BDP1: variants seen among roughly 807,000 people sequenced by gnomAD.
The protein encoded by BDP1 is BDP1 general transcription factor IIIB subunit, also known as transcription factor TFIIIB component B'' homolog.
Under a neutral mutation model 266.6 loss-of-function variants are expected in BDP1, and 169 were observed. The ratio of observed to expected loss-of-function variants is 0.63; its 90% CI spans 0.56 to 0.72. The LOEUF (loss-of-function observed/expected upper bound fraction) is 0.72, where lower values mean the gene tolerates loss of function less well. Among genes scored for constraint, BDP1 ranks in the 30% least tolerant of loss-of-function variants. The pLI, the probability that BDP1 is intolerant of heterozygous loss-of-function variation, is 0.00. For synonymous variants in BDP1, 1,090 were observed against 1,022.4 expected, an observed-to-expected ratio of 1.07 and a Z score of -1.26; for missense variants, 3,015 against 3,053.8, an observed-to-expected ratio of 0.99 and a Z score of 0.30.
chr5:71,520,314 T>A (rs1391093860), intron 22 of BDP1, among the ~76,000 whole-genome samples: 1 of 152,226 alleles, frequency 6.6e-6, no homozygotes, highest in Non-Finnish European at 1.5e-5. Flanking sequence ...TCCATATTGC[T>A]TTTATTTTAA....
In BDP1 at chr5:71,567,220, T is replaced by C. The variant is rs1744086549; in HGVS notation, c.*2335T>C. The C allele has an allele frequency of 2.6e-5, 4 of 152,224 alleles. No individual in the cohort carries two copies. Among genetic ancestry groups the C allele is most frequent in the Non-Finnish European group, 5.9e-5 (4 of 68,024 alleles). The allele number at this position is 152,224 out of a possible 1,614,324, so 9.4% of individuals were successfully genotyped here. On this transcript the variant is annotated 3_prime_UTR_variant, in exon 39 of 39. Transcript: ENST00000358731. ...AGCTTGGGAGTTAGATTGCCATGATTAAACTATTATTTATCCTTGTGTAAT... is the reference window on the plus strand; with the variant it reads ...AGCTTGGGAGTTAGATTGCCATGATCAAACTATTATTTATCCTTGTGTAAT...
At chr5:71,477,121 A>G (rs1762638389) in intron 7 of BDP1, among the ~76,000 whole-genome samples, 1 of 151,056 alleles carries the variant, frequency 6.6e-6, no homozygotes, top group Non-Finnish European at 1.5e-5. Flanking sequence ...TGCGGGGATT[A>G]TAGGCATGAG....
chr5:71,566,994 C>T lies in BDP1; in HGVS notation c.*2109C>T, dbSNP rs1326017422. The T allele has an allele frequency of 6.6e-6, 1 of 152,068 alleles. No homozygotes were observed. Among genetic ancestry groups the T allele is most frequent in the African/African-American group, 2.4e-5 (1 of 41,408 alleles). 9.4% of individuals were successfully genotyped at this position (152,068 alleles called of 1,614,324 possible). On this transcript the variant is annotated 3_prime_UTR_variant, in exon 39 of 39. Transcript: ENST00000358731. ...TGTTAGAGCACTTCTTATTCATTGTCTTTTAGTGAAATTTATGGCGTAACA... is the reference window on the plus strand; with the variant it reads ...TGTTAGAGCACTTCTTATTCATTGTTTTTTAGTGAAATTTATGGCGTAACA...
At chr5:71,560,284 A>G (rs1008635744) in intron 37 of BDP1, 47 bp downstream of exon 37, 6 of 1,576,384 alleles carry the variant, frequency 3.8e-6, no homozygotes, top group Admixed American at 1.7e-5. Flanking sequence ...CTGTCTTAAT[A>G]AATATAACCT....
chr5:71,477,285 A>AG (rs2150380478), intron 7 of BDP1, among the ~76,000 whole-genome samples: 1 of 151,648 alleles, frequency 6.6e-6, no homozygotes, highest in African/African-American at 2.4e-5. Context: ...AGCCTCCTGG[A>AG]CCACAGGTGT....
chr5:71,549,741 T>C (rs750307254), intron 34 of BDP1, 135 bp downstream of exon 34: 1 of 682,942 alleles, frequency 1.5e-6, no homozygotes, highest in South Asian at 4.5e-5. Flanking sequence ...TGTGGTAAGT[T>C]AGAGAAGAAA....
chr5:71,535,944 C>T (rs934109595), intron 26 of BDP1, among the ~76,000 whole-genome samples: 16 of 152,132 alleles, frequency 1.1e-4, no homozygotes, highest in Admixed American at 3.3e-4. Flanking sequence ...TAAATAATGT[C>T]ATATTCACAT....
chr5:71,493,919 C>A (rs548946893), intron 11 of BDP1, among the ~76,000 whole-genome samples: 2 of 152,172 alleles, frequency 1.3e-5, no homozygotes, highest in African/African-American at 4.8e-5. Flanking sequence ...TTACCATATC[C>A]GCTAACTTCC....
chr5:71,500,909 G>A (rs1764192611), intron 13 of BDP1, among the ~76,000 whole-genome samples: 1 of 151,918 alleles, frequency 6.6e-6, no homozygotes. Context: ...AAACAAGCCT[G>A]GGCAACATGG....
At chr5:71,556,578 C>T (rs945345577) in intron 35 of BDP1, among the ~76,000 whole-genome samples, 1 of 152,058 alleles carries the variant, frequency 6.6e-6, no homozygotes, top group Non-Finnish European at 1.5e-5. Context: ...CTTTGCATTC[C>T]TGAAACGAGC....
chr5:71,476,171 C>A, intron 7 of BDP1: 1 of 153,726 alleles, frequency 6.5e-6, no homozygotes. Context: ...GAACTGGCAG[C>A]TTTGAGAAAA....
At chr5:71,574,938 TA>T in the BDP1 span, among the ~76,000 whole-genome samples, 1 of 152,314 alleles carries the variant, frequency 6.6e-6, no homozygotes, top group South Asian at 2.1e-4. Flanking sequence ...GTGTCAGTAA[TA>T]TCTAAAGACA....
chr5:71,522,984 GAAATAA>G lies in BDP1; in HGVS notation c.5387+40_5387+45del, dbSNP rs1276565166. 2.0e-6 allele frequency: 3 copies of G among 1,518,782 alleles called. No homozygotes were observed. In the African/African-American group the frequency reaches 4.2e-5, roughly 21 times the overall value. The allele number at this position is 1,518,782 out of a possible 1,614,324, so 94.1% of individuals were successfully genotyped here. A position where few individuals can be genotyped will look rare whatever the true frequency, so the allele number is the denominator to read the frequency against. ...TATTTAACAAAATGTTTCACAATAA[GAAATAA>G]AAATCACTTAACTTTTACCTTAACT... On this transcript the variant is annotated intron_variant, in intron 24 of 38. Transcript: ENST00000358731.
At chr5:71,487,744 T>TA (rs1363846700) in intron 9 of BDP1, among the ~76,000 whole-genome samples, 1 of 152,164 alleles carries the variant, frequency 6.6e-6, no homozygotes. Flanking sequence ...GCCTGGAACA[T>TA]ACAAAAATTT....
chr5:71,526,221 G>A (rs1046949064), intron 25 of BDP1, among the ~76,000 whole-genome samples: 3 of 152,220 alleles, frequency 2.0e-5, no homozygotes, highest in African/African-American at 7.2e-5. Context: ...CGGATCACTC[G>A]CGGTTAGGAG....
Position 71,549,503 on chromosome 5 carries a change from G to T in BDP1, c.6892G>T (p.Val2298Leu), listed in dbSNP as rs1394447593. The stretch of plus-strand genomic sequence containing the variant: ...TCTGGTGGAAATCCCAGCCAATGCA[G>T]TAGAAGAATTTACTGATGCCACTGC... ...LTLVEIPANA[V>L]EEFTDATAQF... Residue 2298 changes from valine (V) to leucine (L), a missense_variant, in exon 34 of 39, where the codon GTA (valine) becomes TTA (leucine). This residue lies in a region of BDP1 where 629 missense variants were observed against 632.5 expected (regional missense o/e 0.99). Transcript: ENST00000358731. 1 of 1,614,000 alleles carries T rather than the reference G, an allele frequency of 6.2e-7. No homozygotes were observed. The highest frequency in any genetic ancestry group is 1.3e-5 in the African/African-American group (1 of 74,906).
intron 26 of BDP1, among the ~76,000 whole-genome samples, chr5:71,533,260 C>G (rs1371468823): frequency 6.6e-6 from 1 of 151,996 alleles, no homozygotes; most frequent in Non-Finnish European, 1.5e-5. Flanking sequence ...TGTTTGTGTA[C>G]AATATGTTTT....
intron 34 of BDP1, among the ~76,000 whole-genome samples, chr5:71,552,094 C>A (rs1285707772): frequency 6.6e-6 from 1 of 151,068 alleles, no homozygotes; most frequent in Non-Finnish European, 1.5e-5. Flanking sequence ...GGGCTCCTCA[C>A]TTCTCAGACG....
chr5:71,574,515 G>T, the BDP1 span, among the ~76,000 whole-genome samples: 1 of 152,176 alleles, frequency 6.6e-6, no homozygotes, highest in African/African-American at 2.4e-5. Context: ...AGATCTACCC[G>T]CTAGAGAAAG....
Sources: gnomAD v4.1 joint callset for allele counts (sites outside exome capture counted in the v4.1 genomes callset) on GRCh38, gnomAD v4.1.1 for gene constraint, gnomAD v4.1.1 regional missense constraint, MANE v1.5 for transcripts, NCBI Gene and HGNC (gene_info 2026-07-23, HGNC 2026-07-21) for gene names.